Variants in ARK2N observed in about 807,000 individuals in gnomAD.
The protein encoded by ARK2N is protein ARK2N.
At chr18:46,223,720 A>G in the ARK2N span, among the ~76,000 whole-genome samples, 5 of 152,124 alleles carry the variant, frequency 3.3e-5, no homozygotes, top group African/African-American at 1.2e-4. Context: ...TTTATTCAGC[A>G]AGTATCTGAG....
the ARK2N span, among the ~76,000 whole-genome samples, chr18:46,188,555 A>G: frequency 2.6e-5 from 4 of 152,018 alleles, no homozygotes; most frequent in Non-Finnish European, 5.9e-5. Flanking sequence ...TATGTTGCCT[A>G]CGCTGGTCTC....
the ARK2N span, among the ~76,000 whole-genome samples, chr18:46,253,283 C>T: frequency 6.6e-6 from 1 of 151,966 alleles, no homozygotes; most frequent in Non-Finnish European, 1.5e-5. Context: ...GTAGAGAGCC[C>T]CACTGCCTTC....
the ARK2N span, among the ~76,000 whole-genome samples, chr18:46,254,770 C>T: frequency 1.3e-5 from 2 of 152,098 alleles, no homozygotes; most frequent in African/African-American, 4.8e-5. Context: ...AAGTCAATAC[C>T]TTTGCAGAAA....
At chr18:46,228,739 T>G in the ARK2N span, 1 of 398,204 alleles carries the variant, frequency 2.5e-6, no homozygotes, top group East Asian at 3.6e-5. Context: ...CCTGGCTAAT[T>G]TTTATATATT....
At chr18:46,234,854 T>G in the ARK2N span, among the ~76,000 whole-genome samples, 1 of 152,152 alleles carries the variant, frequency 6.6e-6, no homozygotes, top group Non-Finnish European at 1.5e-5. Context: ...TTTTCTTCTC[T>G]TAGTGAGGAG....
the ARK2N span, among the ~76,000 whole-genome samples, chr18:46,189,808 G>GA: frequency 6.6e-6 from 1 of 152,180 alleles, no homozygotes; most frequent in Admixed American, 6.6e-5. Context: ...ATGGTGCAGT[G>GA]AGTGATGATC....
the ARK2N span, among the ~76,000 whole-genome samples, chr18:46,196,285 G>T: frequency 6.6e-6 from 1 of 150,824 alleles, no homozygotes; most frequent in African/African-American, 2.4e-5. Flanking sequence ...CGGCCAAGAC[G>T]GAGTCTCGCT....
the ARK2N span, among the ~76,000 whole-genome samples, chr18:46,187,285 A>G: frequency 1.3e-5 from 2 of 151,256 alleles, no homozygotes; most frequent in Non-Finnish European, 2.9e-5. Context: ...CTGTCTCATG[A>G]AAAAACGAAC....
At chr18:46,232,773 GA>G in the ARK2N span, 2 of 152,304 alleles carry the variant, frequency 1.3e-5, no homozygotes, top group African/African-American at 4.8e-5. Flanking sequence ...AATCCACAAA[GA>G]AGTGTATTCT....
chr18:46,193,296 C>CT, the ARK2N span, among the ~76,000 whole-genome samples: 2 of 150,072 alleles, frequency 1.3e-5, no homozygotes, highest in East Asian at 2.0e-4. Context: ...CCCACCCCTG[C>CT]TTTTTTTTTA....
the ARK2N span, among the ~76,000 whole-genome samples, chr18:46,187,750 GT>G: frequency 6.6e-6 from 1 of 152,130 alleles, no homozygotes; most frequent in African/African-American, 2.4e-5. Flanking sequence ...GAAGTGCCCA[GT>G]TTCCTTGATT....
At chr18:46,240,109 A>T in the ARK2N span, 3 of 1,614,122 alleles carry the variant, frequency 1.9e-6, no homozygotes, top group African/African-American at 2.7e-5. Context: ...TCAAGAGCAC[A>T]GTAATTCTGT....
chr18:46,240,323 C>T, the ARK2N span: 1 of 927,342 alleles, frequency 1.1e-6, no homozygotes, highest in Non-Finnish European at 1.6e-6. Flanking sequence ...TTGTGACTAT[C>T]CAGGCTGCCA....
At chr18:46,198,620 G>A in the ARK2N span, among the ~76,000 whole-genome samples, 1 of 151,796 alleles carries the variant, frequency 6.6e-6, no homozygotes, top group South Asian at 2.1e-4. Flanking sequence ...TCTTTTTTGA[G>A]ATGGAGTTTT....
At chr18:46,253,686 TTCTC>T in the ARK2N span, 1 of 1,606,646 alleles carries the variant, frequency 6.2e-7, no homozygotes, top group African/African-American at 1.3e-5. Context: ...TTTCCTCCCC[TTCTC>T]TCTCAGGTCA....
chr18:46,193,913 G>A, the ARK2N span, among the ~76,000 whole-genome samples: 2 of 152,002 alleles, frequency 1.3e-5, no homozygotes, highest in South Asian at 4.1e-4. Flanking sequence ...ACCTTATATT[G>A]TAGTGGATAT....
At chr18:46,238,323 A>G in the ARK2N span, among the ~76,000 whole-genome samples, 1 of 152,224 alleles carries the variant, frequency 6.6e-6, no homozygotes, top group Non-Finnish European at 1.5e-5. Context: ...CAAATAGTCA[A>G]TATTGTACTT....
the ARK2N span, among the ~76,000 whole-genome samples, chr18:46,230,739 G>A: frequency 4.6e-5 from 7 of 152,174 alleles, no homozygotes; most frequent in East Asian, 7.7e-4. Flanking sequence ...TTAAAAAATC[G>A]CCGAATGTTG....
At chr18:46,207,385 A>G in the ARK2N span, among the ~76,000 whole-genome samples, 1 of 134,874 alleles carries the variant, frequency 7.4e-6, no homozygotes, top group African/African-American at 2.7e-5. Context: ...CTCAGTTTCT[A>G]TACTTTTTTT....
Sources: allele counts gnomAD v4.1 joint callset (sites outside exome capture counted in the v4.1 genomes callset), GRCh38; gene constraint gnomAD v4.1.1; transcripts MANE v1.5; gene names NCBI Gene and HGNC (gene_info 2026-07-23, HGNC 2026-07-21).